HBS1L: variants seen among roughly 807,000 people sequenced by gnomAD.
The protein encoded by HBS1L is HBS1 like translational GTPase.
HBS1L carries 55 observed loss-of-function variants against 88.9 expected under a neutral mutation model. That is an observed-to-expected ratio of 0.62 (90% CI 0.50 to 0.77). The LOEUF (loss-of-function observed/expected upper bound fraction) is 0.77, where lower values mean the gene tolerates loss of function less well. HBS1L is among the 30% of genes least tolerant of loss of function. The pLI, the probability that HBS1L is intolerant of heterozygous loss-of-function variation, is 0.00. For synonymous variants in HBS1L, 267 were observed against 288.5 expected, an observed-to-expected ratio of 0.93 and a Z score of 0.76; for missense variants, 741 against 829.3, an observed-to-expected ratio of 0.89 and a Z score of 1.31.
In HBS1L at chr6:134,966,761, C is replaced by A. The variant is rs367885822; in HGVS notation, c.1899-288G>T. ...CCACTATAGCCTAAAATGCTTAAGGCCCCTCATCATGAAATAAATGCTTTT... is the reference window on the plus strand; with the variant it reads ...CCACTATAGCCTAAAATGCTTAAGGACCCTCATCATGAAATAAATGCTTTT... On this transcript the variant is annotated intron_variant, in intron 16 of 17. Transcript: ENST00000367837. Among the ~76,000 whole-genome samples the A allele has an allele frequency of 2.0e-5, 3 of 151,534 alleles. No homozygotes were observed. In the South Asian group the frequency reaches 6.2e-4, roughly 31 times the overall value.
chr6:134,966,875 G>C (rs1774330662), intron 16 of HBS1L, among the ~76,000 whole-genome samples: 1 of 151,956 alleles, frequency 6.6e-6, no homozygotes. Context: ...TTTGCAAAGA[G>C]GAATATAATG....
At chr6:135,012,957 C>T (rs1411205051) in intron 4 of HBS1L, among the ~76,000 whole-genome samples, 1 of 152,154 alleles carries the variant, frequency 6.6e-6, no homozygotes, top group East Asian at 1.9e-4. Flanking sequence ...CAGAATAAAG[C>T]ACATATAAAG....
At position 135,020,352 on chromosome 6, in the gene HBS1L, G is replaced by A. The variant is rs1776038189; in HGVS notation, c.431-17510C>T. On this transcript the variant is annotated intron_variant, in intron 4 of 17. Transcript: ENST00000367837. The stretch of plus-strand genomic sequence containing the variant: ...ACCTTATGACAACTGCATCATATGG[G>A]TTATTTTACTTCTCAGAAACTTGTA... Among the ~76,000 whole-genome samples the A allele has an allele frequency of 3.9e-5, 6 of 151,954 alleles. No homozygotes were observed. In the South Asian group the frequency reaches 1.2e-3, roughly 31 times the overall value.
chr6:135,015,306 A>G (rs1187019119), intron 4 of HBS1L, among the ~76,000 whole-genome samples: 5 of 152,222 alleles, frequency 3.3e-5, no homozygotes, highest in Non-Finnish European at 7.3e-5. Flanking sequence ...TTGGAGAGCC[A>G]TATGTTAGAG....
At chr6:135,040,102 T>C (rs1438422547) in intron 3 of HBS1L, among the ~76,000 whole-genome samples, 4 of 152,206 alleles carry the variant, frequency 2.6e-5, no homozygotes, top group South Asian at 4.1e-4. Context: ...ATTTTTTGCA[T>C]GTACAGAAAG....
intron 13 of HBS1L, among the ~76,000 whole-genome samples, chr6:134,981,494 A>C (rs146984601): frequency 6.6e-6 from 1 of 151,934 alleles, no homozygotes; most frequent in Non-Finnish European, 1.5e-5. Flanking sequence ...ACTTTTCAAG[A>C]AATCTTCTTT....
intron 3 of HBS1L, 95 bp from the exon 4 acceptor site, chr6:135,039,862 A>T (rs1225825565): frequency 3.2e-5 from 34 of 1,048,504 alleles, no homozygotes; most frequent in Non-Finnish European, 4.4e-5. Context: ...CAGCTGTACT[A>T]GAATATTCAA....
intron 4 of HBS1L, among the ~76,000 whole-genome samples, chr6:135,030,063 T>C (rs1279322778): frequency 2.0e-5 from 3 of 152,216 alleles, no homozygotes; most frequent in African/African-American, 4.8e-5. Context: ...CCTACGTTTA[T>C]GTGCCAGACA....
chr6:134,986,692 T>C (rs1010331822), intron 10 of HBS1L, 44 bp downstream of exon 10: 2 of 1,017,716 alleles, frequency 2.0e-6, no homozygotes, highest in South Asian at 1.8e-5. Flanking sequence ...ACCAGTAAGA[T>C]GACTTAAGGA....
chr6:134,983,307 AAT>A (rs775198008), intron 12 of HBS1L: 3 of 152,294 alleles, frequency 2.0e-5, no homozygotes, highest in East Asian at 3.9e-4. Flanking sequence ...GAAGCCAGTA[AAT>A]ATTGTGACCG....
chr6:135,016,699 A>G (rs1274567424), intron 4 of HBS1L, among the ~76,000 whole-genome samples: 1 of 152,240 alleles, frequency 6.6e-6, no homozygotes, highest in Non-Finnish European at 1.5e-5. Flanking sequence ...ATATTGTAAA[A>G]TATATAGTGC....
intron 4 of HBS1L, chr6:135,037,250 C>A (rs1562311597): frequency 6.4e-7 from 1 of 1,551,858 alleles, no homozygotes; most frequent in Admixed American, 2.0e-5. Flanking sequence ...GTGAAACTGG[C>A]AGATGACTGG....
At chr6:134,997,049 A>G in intron 6 of HBS1L, 107 bp from the exon 7 acceptor site, 1 of 810,392 alleles carries the variant, frequency 1.2e-6, no homozygotes, top group South Asian at 2.0e-5. Context: ...GTTTACAGTA[A>G]TACCAGTATT....
chr6:134,969,921 T>C (rs1774433503), intron 15 of HBS1L, among the ~76,000 whole-genome samples: 1 of 152,140 alleles, frequency 6.6e-6, no homozygotes, highest in African/African-American at 2.4e-5. Context: ...CAGTAATTAA[T>C]GTATTCATTG....
At chr6:135,028,052 C>T (rs543726186) in intron 4 of HBS1L, among the ~76,000 whole-genome samples, 9 of 152,196 alleles carry the variant, frequency 5.9e-5, no homozygotes, top group African/African-American at 2.2e-4. Context: ...AGGCATGAGC[C>T]ACCGCGCCTG....
At chr6:134,979,145 A>G (rs773366245) in intron 14 of HBS1L, 33 bp downstream of exon 14, 19 of 1,495,888 alleles carry the variant, frequency 1.3e-5, no homozygotes, top group South Asian at 8.0e-5. Flanking sequence ...CTATATGAAG[A>G]CAACGGTTGC....
intron 4 of HBS1L, chr6:135,036,688 C>T (rs1460668027): frequency 1.3e-6 from 2 of 1,551,248 alleles, no homozygotes; most frequent in South Asian, 1.2e-5. Flanking sequence ...AACTTGTCTA[C>T]TATAAAGAAA....
chr6:135,029,788 T>C (rs902913378), intron 4 of HBS1L, among the ~76,000 whole-genome samples: 56 of 152,306 alleles, frequency 3.7e-4, no homozygotes, highest in Non-Finnish European at 1.0e-4. Context: ...TACAGAATTC[T>C]AGGTAGCTGT....
intron 8 of HBS1L, among the ~76,000 whole-genome samples, chr6:134,988,429 C>A: frequency 6.9e-6 from 1 of 145,716 alleles, no homozygotes. Context: ...GTTATAATCT[C>A]TATAGAATCT....
Sources: allele counts gnomAD v4.1 joint callset (sites outside exome capture counted in the v4.1 genomes callset), GRCh38; gene constraint gnomAD v4.1.1; transcripts MANE v1.5; gene names NCBI Gene and HGNC (gene_info 2026-07-23, HGNC 2026-07-21).